The following ZNF439 variants were observed in gnomAD, a reference collection of about 807,000 sequenced individuals.
ZNF439 encodes zinc finger protein 439.
A neutral mutation model predicts 47.3 loss-of-function variants in ZNF439; 40 were observed. The ratio of observed to expected loss-of-function variants is 0.85; its 90% CI spans 0.66 to 1.10. ZNF439 has a LOEUF of 1.10. Among genes scored for constraint, ZNF439 ranks in the 50% least tolerant of loss-of-function variants. The probability of loss-of-function intolerance (pLI) is 0.00; values close to 1 mark genes in which losing one functional copy is unlikely to be tolerated. For synonymous variants in ZNF439, 171 were observed against 198.8 expected, an observed-to-expected ratio of 0.86 and a Z score of 1.18; for missense variants, 556 against 601.1, an observed-to-expected ratio of 0.93 and a Z score of 0.78.
chr19:11,863,684 T>C (rs1195563596), intron 1 of ZNF439, among the ~76,000 whole-genome samples: 1 of 152,218 alleles, frequency 6.6e-6, no homozygotes, highest in Admixed American at 6.5e-5. Context: ...TTTTGTGTTG[T>C]GTGTGAAACC....
chr19:11,850,185 T>A (rs1045446455), intron 1 of ZNF439: 2 of 152,318 alleles, frequency 1.3e-5, no homozygotes, highest in African/African-American at 4.8e-5. Context: ...GGGATTCTCC[T>A]GCCTCAGCCT....
At chr19:11,862,173 G>A (rs1342138249) in intron 1 of ZNF439, among the ~76,000 whole-genome samples, 1 of 152,014 alleles carries the variant, frequency 6.6e-6, no homozygotes, top group African/African-American at 2.4e-5. Context: ...GCTTCCCAAA[G>A]TGCTGGGATT....
chr19:11,856,242 G>A (rs1345579903), intron 1 of ZNF439: 1 of 152,154 alleles, frequency 6.6e-6, no homozygotes, highest in Non-Finnish European at 1.5e-5. Context: ...GTGGTAGCTG[G>A]TCTCCTATAC....
chr19:11,848,992 G>A lies in ZNF439; in HGVS notation c.63+62G>A, dbSNP rs146779313. ...GGGCTGCCTGGAACTGGCGGGACCC[G>A]GGCCTCCCTGTGGGCGACTCCGGGG... On this transcript the variant is annotated intron_variant, in intron 1 of 3. Coordinates refer to ENST00000682736, the MANE Select transcript of ZNF439 (RefSeq NM_001348719.2). The A allele has an allele frequency of 7.1e-4, 1,030 of 1,458,124 alleles. 9 individuals are homozygous for A. The African/African-American group carries it at 0.014, about 19-fold the overall frequency. The allele number at this position is 1,458,124 out of a possible 1,614,324, so 90.3% of individuals were successfully genotyped here. A position where few individuals can be genotyped will look rare whatever the true frequency, so the allele number is the denominator to read the frequency against.
At position 11,867,965 on chromosome 19, in the gene ZNF439, A is replaced by C; in HGVS notation, c.911A>C (p.Gln304Pro). The change falls in exon 4 of 4, where the codon CAA becomes CCA. Residue 304 changes from glutamine (Q) to proline (P), a missense_variant. Transcript: ENST00000682736. ...AGTCACATGGGAGAGAAGGCTTATC[A>C]ATGTAAGGAATGTGGAAAAGCATTC... ...ERSHMGEKAY[Q>P]CKECGKAFMC... 1 of 1,614,188 alleles carries C rather than the reference A, an allele frequency of 6.2e-7. No homozygotes were observed. Among genetic ancestry groups the C allele is most frequent in the South Asian group, 1.1e-5 (1 of 91,084 alleles).
intron 1 of ZNF439, among the ~76,000 whole-genome samples, chr19:11,864,055 G>A (rs17001715): frequency 0.013 from 2,052 of 152,150 alleles, 22 homozygotes; most frequent in Non-Finnish European, 0.022. Flanking sequence ...GCGATCATAT[G>A]GAATCTTCTC....
chr19:11,865,286 G>A (rs1372131370), intron 1 of ZNF439, among the ~76,000 whole-genome samples: 3 of 151,846 alleles, frequency 2.0e-5, no homozygotes, highest in African/African-American at 7.3e-5. Flanking sequence ...GTGTAATTAC[G>A]GTCTTGTTTT....
chr19:11,861,548 C>G (rs947380524), intron 1 of ZNF439, among the ~76,000 whole-genome samples: 1 of 152,138 alleles, frequency 6.6e-6, no homozygotes. Flanking sequence ...CTCAGCTTCT[C>G]CCTCCCAACT....
chr19:11,867,910 A>C lies in ZNF439; in HGVS notation c.856A>C (p.Ser286Arg). The change falls in exon 4 of 4, where the codon AGT becomes CGT. Residue 286 changes from serine to arginine, a missense_variant. By Grantham distance (110) the Ser-to-Arg change is moderately radical (BLOSUM62 -1). Transcript: ENST00000682736. ...ECQECGKAFHSPRSCHRHERS... is the reference protein window; with the variant it reads ...ECQECGKAFHRPRSCHRHERS... ...TCAGGAATGTGGGAAAGCATTCCAT[A>C]GTCCCAGATCCTGTCACAGACATGA... 6.2e-7 allele frequency: 1 copy of C among 1,613,970 alleles called. No homozygotes were observed. The highest frequency in any genetic ancestry group is 2.2e-5 in the East Asian group (1 of 44,832).
intron 1 of ZNF439, among the ~76,000 whole-genome samples, chr19:11,860,797 A>G (rs559883502): frequency 6.6e-6 from 1 of 152,308 alleles, no homozygotes; most frequent in Non-Finnish European, 1.5e-5. Context: ...AATAGGCTCC[A>G]GATGTCCCAG....
At chr19:11,862,700 C>T (rs1314006346) in intron 1 of ZNF439, among the ~76,000 whole-genome samples, 2 of 151,946 alleles carry the variant, frequency 1.3e-5, no homozygotes, top group Non-Finnish European at 2.9e-5. Flanking sequence ...TGGATTTCAT[C>T]TACCGCAACA....
At chr19:11,849,713 G>T (rs1410985082) in intron 1 of ZNF439, 2 of 152,122 alleles carry the variant, frequency 1.3e-5, no homozygotes, top group African/African-American at 4.8e-5. Flanking sequence ...AGGTAGGAAG[G>T]AATGCTGAAG....
intron 1 of ZNF439, among the ~76,000 whole-genome samples, chr19:11,853,786 G>A (rs368889380): frequency 3.9e-5 from 6 of 152,076 alleles, no homozygotes; most frequent in East Asian, 1.9e-4. Flanking sequence ...TCTGATTGGC[G>A]GTCCATCTGA....
rs1205813727 is a variant in ZNF439 at position 11,848,945 on chromosome 19, C to T, written c.63+15C>T. Reference sequence around the variant, plus strand: ...GCCGGGAAATGGTGCGTGTGCTGGCCGGGAGTGGTGCGATGGGGGAGGGGC... The same window carrying T: ...GCCGGGAAATGGTGCGTGTGCTGGCTGGGAGTGGTGCGATGGGGGAGGGGC... On this transcript the variant is annotated intron_variant, in intron 1 of 3. Transcript: ENST00000682736. 6.4e-7 allele frequency: 1 copy of T among 1,552,302 alleles called. No individual in the cohort carries two copies.
intron 1 of ZNF439, chr19:11,857,606 C>T (rs775058107): frequency 6.6e-6 from 1 of 152,236 alleles, no homozygotes; most frequent in Non-Finnish European, 1.5e-5. Context: ...AGTTGCAACT[C>T]AGCTTCTGCC....
At chr19:11,849,084 C>G in intron 1 of ZNF439, 154 bp downstream of exon 1, 2 of 1,207,520 alleles carry the variant, frequency 1.7e-6, no homozygotes, top group Non-Finnish European at 2.1e-6. Flanking sequence ...GTGGGTGGGC[C>G]GGCAGCCGGG....
Position 11,848,742 on chromosome 19 carries a change from C to T in ZNF439, c.-126C>T, listed in dbSNP as rs929670150. 8 of 1,209,378 alleles carry T rather than the reference C, an allele frequency of 6.6e-6. No individual in the cohort carries two copies. In the Admixed American group the frequency reaches 1.5e-4, roughly 23 times the overall value. 74.9% of individuals were successfully genotyped at this position (1,209,378 alleles called of 1,614,324 possible). ...GCCCTGCCCACTGTGCATCCAGGCA[C>T]GGAGGATGTTGCATTCCTGCCGTCA... On this transcript the variant is annotated 5_prime_UTR_variant, in exon 1 of 4. In the 5' UTR this introduces an upstream ATG that the reference lacks. Coordinates refer to ENST00000682736, the MANE Select transcript of ZNF439 (RefSeq NM_001348719.2).
At chr19:11,858,483 A>AG (rs1555694223) in intron 1 of ZNF439, among the ~76,000 whole-genome samples, 8 of 108,168 alleles carry the variant, frequency 7.4e-5, no homozygotes, top group Middle Eastern at 6.3e-3. Context: ...AAAAAAAAAA[A>AG]GGGGGTCTAT....
chr19:11,865,288 T>C (rs1472825082), intron 1 of ZNF439, among the ~76,000 whole-genome samples: 1 of 151,914 alleles, frequency 6.6e-6, no homozygotes, highest in East Asian at 1.9e-4. Context: ...GTAATTACGG[T>C]CTTGTTTTTT....
Sources: allele counts gnomAD v4.1 joint callset (sites outside exome capture counted in the v4.1 genomes callset), GRCh38; gene constraint gnomAD v4.1.1; transcripts MANE v1.5; gene names NCBI Gene and HGNC (gene_info 2026-07-23, HGNC 2026-07-21).